EXPH5: variants seen among roughly 807,000 people sequenced by gnomAD.
EXPH5 encodes the protein exophilin-5.
EXPH5 carries 42 observed loss-of-function variants against 41.1 expected under a neutral mutation model. The ratio of observed to expected loss-of-function variants is 1.02; its 90% CI spans 0.80 to 1.32. The LOEUF is 1.32. EXPH5 is among the 40% of genes most tolerant of loss of function. The pLI, the probability that EXPH5 is intolerant of heterozygous loss-of-function variation, is 0.00. For missense variants in EXPH5, 2,298 were observed against 2,314.5 expected (o/e 0.99, Z 0.15); for synonymous variants, 798 against 833.5 (o/e 0.96, Z 0.73).
intron 3 of EXPH5, chr11:108,538,336 G>A: frequency 1.4e-6 from 1 of 696,588 alleles, no homozygotes; most frequent in Non-Finnish European, 1.8e-6. Context: ...CAGCTCAATT[G>A]CACTTAAGCA....
In EXPH5 at chr11:108,540,447, G is replaced by A. The variant is rs368857707; in HGVS notation, c.280+1205C>T. Among the ~76,000 whole-genome samples, 31 of 152,176 alleles carry A rather than the reference G, an allele frequency of 2.0e-4. 1 individual carries two copies. The East Asian group carries it at 2.1e-3, about 10-fold the overall frequency. ...AAGTCATCAGGGTATGTATGGGGGT[G>A]ATCTAAAAAATCTGAACTGTGAGTC... On this transcript the variant is annotated intron_variant, in intron 2 of 5. Coordinates refer to ENST00000265843, the MANE Select transcript of EXPH5 (RefSeq NM_015065.3).
At chr11:108,573,188 G>GAAAGAAAGAAAA (rs1412792238) in intron 1 of EXPH5, among the ~76,000 whole-genome samples, 1 of 138,646 alleles carries the variant, frequency 7.2e-6, no homozygotes, top group African/African-American at 3.1e-5. Context: ...AAGAAAGAAA[G>GAAAGAAAGAAAA]AAAGAAAGAA....
intron 3 of EXPH5, chr11:108,537,934 A>G: frequency 1.6e-5 from 16 of 978,970 alleles, no homozygotes; most frequent in Non-Finnish European, 1.8e-5. Context: ...CTAGTGTCTC[A>G]AAAATTTTTA....
At chr11:108,574,569 T>A (rs1263221817) in intron 1 of EXPH5, among the ~76,000 whole-genome samples, 2 of 152,194 alleles carry the variant, frequency 1.3e-5, no homozygotes, top group Non-Finnish European at 2.9e-5. Flanking sequence ...TTAAACAGTG[T>A]TGACTGCCTT....
At chr11:108,584,818 G>T (rs1325093099) in intron 1 of EXPH5, among the ~76,000 whole-genome samples, 7 of 152,162 alleles carry the variant, frequency 4.6e-5, no homozygotes, top group Non-Finnish European at 1.0e-4. Flanking sequence ...AATCATAGGA[G>T]AAAATGTTTG....
intron 1 of EXPH5, among the ~76,000 whole-genome samples, chr11:108,575,099 G>A (rs1264591875): frequency 6.6e-6 from 1 of 152,194 alleles, no homozygotes; most frequent in African/African-American, 2.4e-5. Context: ...TAAATGGGTA[G>A]CTATGTGAAT....
At chr11:108,520,393 T>A (rs1309680011) in intron 4 of EXPH5, among the ~76,000 whole-genome samples, 2 of 152,034 alleles carry the variant, frequency 1.3e-5, no homozygotes, top group Non-Finnish European at 2.9e-5. Context: ...GTAGAACCCC[T>A]CAGATGCCCA....
In EXPH5 at chr11:108,511,479, G is replaced by A. The variant is rs1389206025; in HGVS notation, c.4028C>T (p.Thr1343Ile). The A allele has an allele frequency of 1.3e-6, 2 of 1,584,220 alleles. No individual in the cohort carries two copies. Among genetic ancestry groups the A allele is most frequent in the Admixed American group, 1.9e-5 (1 of 52,714 alleles). ...RLSNRGPLAP[T>I]LQEMASVEAA... is the part of the protein sequence containing the mutation. ...CTCAACAGAAGCCATTTCCTGTAATGTAGGAGCTAGGGGCCCCCTATTTGA... is the reference window on the plus strand; with the variant it reads ...CTCAACAGAAGCCATTTCCTGTAATATAGGAGCTAGGGGCCCCCTATTTGA... Residue 1343 changes from threonine (T) to isoleucine (I), a missense_variant, in exon 6 of 6, where the codon ACA becomes ATA. Thr to Ile is a moderately conservative substitution (Grantham distance 89). Coordinates refer to ENST00000265843, the MANE Select transcript of EXPH5 (RefSeq NM_015065.3).
intron 1 of EXPH5, among the ~76,000 whole-genome samples, chr11:108,567,167 G>A (rs2094038238): frequency 6.6e-6 from 1 of 152,212 alleles, no homozygotes; most frequent in Non-Finnish European, 1.5e-5. Context: ...GGAAGAGAAG[G>A]AAGTCAAGTG....
chr11:108,574,336 C>A (rs920993903), intron 1 of EXPH5, among the ~76,000 whole-genome samples: 1 of 151,452 alleles, frequency 6.6e-6, no homozygotes, highest in Admixed American at 6.6e-5. Flanking sequence ...TGTCATTACA[C>A]CACTGCACTG....
upstream of EXPH5, among the ~76,000 whole-genome samples, chr11:108,597,287 T>G (rs2094140164): frequency 1.3e-5 from 2 of 152,210 alleles, no homozygotes; most frequent in Non-Finnish European, 2.9e-5. Flanking sequence ...AATCTCCGCC[T>G]CCAGGGTTCA....
intron 1 of EXPH5, among the ~76,000 whole-genome samples, chr11:108,549,049 CCAA>C (rs2093951962): frequency 6.6e-6 from 1 of 152,236 alleles, no homozygotes; most frequent in Admixed American, 6.5e-5. Flanking sequence ...ATGTTCAGCA[CCAA>C]CTGGGATGTA....
Position 108,511,057 on chromosome 11 carries a change from C to T in EXPH5, c.4450G>A (p.Gly1484Ser). 6.2e-7 allele frequency: 1 copy of T among 1,614,116 alleles called. No homozygotes were observed. The highest frequency in any genetic ancestry group is 8.5e-7 in the Non-Finnish European group (1 of 1,180,004). The change falls in exon 6 of 6, where the codon GGC (glycine) becomes AGC (serine). Residue 1484 changes from glycine (G) to serine (S), a missense_variant. Physicochemically the swap from Gly to Ser is moderately conservative, Grantham distance 56. Coordinates refer to ENST00000265843, the MANE Select transcript of EXPH5 (RefSeq NM_015065.3). Reference sequence around the variant, plus strand: ...CAGTTGGTTCCAATGTCCCCTCTGCCTTCCCTAGGCTGTGATCCACTGGAG... The same window carrying T: ...CAGTTGGTTCCAATGTCCCCTCTGCTTTCCCTAGGCTGTGATCCACTGGAG... ...DGSSGSQPRE[G>S]RGDIGTNCQK...
chr11:108,589,679 G>A (rs189827288), intron 1 of EXPH5, among the ~76,000 whole-genome samples: 5 of 152,224 alleles, frequency 3.3e-5, no homozygotes, highest in South Asian at 4.1e-4. Context: ...GTTCCTTAAC[G>A]TTGCTAAATT....
intron 4 of EXPH5, among the ~76,000 whole-genome samples, chr11:108,520,968 A>C (rs1184209199): frequency 6.6e-6 from 1 of 152,170 alleles, no homozygotes; most frequent in African/African-American, 2.4e-5. Context: ...CCTTGCAAAC[A>C]TTATCCACCC....
Position 108,513,384 on chromosome 11 carries a change from G to A in EXPH5, c.2123C>T (p.Ser708Leu), listed in dbSNP as rs751550251. The change falls in exon 6 of 6, where the codon TCA becomes TTA. Residue 708 changes from serine to leucine, a missense_variant. Transcript: ENST00000265843. ...CTTGCTTAGCTGTTTGTCTTCTTCTGAAATAGATTCATTTAAGTCTTTCTC... is the reference window on the plus strand; with the variant it reads ...CTTGCTTAGCTGTTTGTCTTCTTCTAAAATAGATTCATTTAAGTCTTTCTC... ...NNEKDLNESI[S>L]EEDKQLSKMD... 1 of 1,614,042 alleles carries A rather than the reference G, an allele frequency of 6.2e-7. No individual in the cohort carries two copies. The highest frequency in any genetic ancestry group is 8.5e-7 in the Non-Finnish European group (1 of 1,179,974).
intron 1 of EXPH5, among the ~76,000 whole-genome samples, chr11:108,548,542 C>T (rs1419306690): frequency 6.6e-6 from 1 of 152,076 alleles, no homozygotes; most frequent in East Asian, 1.9e-4. Context: ...CAGTCATCAG[C>T]CAGAATATTC....
Position 108,510,590 on chromosome 11 carries a change from G to C in EXPH5, c.4917C>G (p.Cys1639Trp). 6.2e-7 allele frequency: 1 copy of C among 1,614,032 alleles called. No individual in the cohort carries two copies. ...FDHLSLGTVE[C>W]NPLFPEPTPK... Reference sequence around the variant, plus strand: ...GAGTAGGCTCAGGGAACAGTGGGTTGCACTCCACTGTGCCAAGAGATAAAT... The same window carrying C: ...GAGTAGGCTCAGGGAACAGTGGGTTCCACTCCACTGTGCCAAGAGATAAAT... The change falls in exon 6 of 6, where the codon TGC becomes TGG. Residue 1639 changes from cysteine (C) to tryptophan (W), a missense_variant. Physicochemically the swap from Cys to Trp is radical, Grantham distance 215 (BLOSUM62 -2). Coordinates refer to ENST00000265843, the MANE Select transcript of EXPH5 (RefSeq NM_015065.3).
At chr11:108,576,685 GAGTA>G (rs1420063098) in intron 1 of EXPH5, among the ~76,000 whole-genome samples, 4 of 152,226 alleles carry the variant, frequency 2.6e-5, no homozygotes, top group East Asian at 1.9e-4. Flanking sequence ...GATCAAATAT[GAGTA>G]AGTAAGATAT....
Sources: gnomAD v4.1 joint callset for allele counts (sites outside exome capture counted in the v4.1 genomes callset) on GRCh38, gnomAD v4.1.1 for gene constraint, MANE v1.5 for transcripts, NCBI Gene and HGNC (gene_info 2026-07-23, HGNC 2026-07-21) for gene names.